Variants in CTNNBL1 observed in about 807,000 individuals in gnomAD.
CTNNBL1 encodes the protein catenin beta like 1.
A neutral mutation model predicts 72.7 loss-of-function variants in CTNNBL1; 31 were observed. That is an observed-to-expected ratio of 0.43 (90% CI 0.32 to 0.58). The LOEUF is 0.58. Among genes scored for constraint, CTNNBL1 ranks in the 20% least tolerant of loss-of-function variants. CTNNBL1 has a pLI of 0.08. For missense variants in CTNNBL1, 534 were observed against 725.1 expected, an observed-to-expected ratio of 0.74 and a Z score of 3.03; for synonymous variants, 240 against 267.3, an observed-to-expected ratio of 0.90 and a Z score of 1.00.
intron 3 of CTNNBL1, among the ~76,000 whole-genome samples, chr20:37,738,414 A>G (rs1163814004): frequency 6.6e-6 from 1 of 152,264 alleles, no homozygotes; most frequent in Non-Finnish European, 1.5e-5. Flanking sequence ...ACCTTGGTGC[A>G]CTATGAAGTG....
intron 11 of CTNNBL1, among the ~76,000 whole-genome samples, chr20:37,804,023 T>G (rs1026238831): frequency 2.0e-5 from 3 of 152,160 alleles, no homozygotes; most frequent in Non-Finnish European, 4.4e-5. Flanking sequence ...GAAGGTGGTG[T>G]GACCTACCTT....
intron 11 of CTNNBL1, among the ~76,000 whole-genome samples, chr20:37,819,804 C>G (rs1420467516): frequency 1.3e-5 from 2 of 151,930 alleles, no homozygotes; most frequent in East Asian, 3.9e-4. Flanking sequence ...GGAGCCATAG[C>G]CCACATATTA....
intron 3 of CTNNBL1, among the ~76,000 whole-genome samples, chr20:37,739,431 T>C (rs1316877767): frequency 6.6e-6 from 1 of 152,208 alleles, no homozygotes; most frequent in African/African-American, 2.4e-5. Flanking sequence ...AATTATTTTC[T>C]ATTAATGGAC....
chr20:37,757,540 T>C lies in CTNNBL1; in HGVS notation c.467-19T>C, dbSNP rs758210857. 5.1e-6 allele frequency: 8 copies of C among 1,575,436 alleles called. No homozygotes were observed. The South Asian group carries it at 8.9e-5, about 17-fold the overall frequency. ...TGGTACCGTTTCAGTATGTGTGTTA[T>C]ACCCTTAACATTTTTCACATGTGTC... is the stretch of plus-strand genomic sequence containing the variant. On this transcript the variant is annotated intron_variant, in intron 4 of 15. Coordinates refer to ENST00000361383, the MANE Select transcript of CTNNBL1 (RefSeq NM_030877.5).
chr20:37,709,227 G>A (rs1600435358), intron 1 of CTNNBL1, among the ~76,000 whole-genome samples: 1 of 152,178 alleles, frequency 6.6e-6, no homozygotes, highest in Non-Finnish European at 1.5e-5. Context: ...CCAAAAGCAG[G>A]CATGATTGAT....
At chr20:37,704,265 A>C (rs1288046251) in intron 1 of CTNNBL1, among the ~76,000 whole-genome samples, 1 of 152,206 alleles carries the variant, frequency 6.6e-6, no homozygotes, top group South Asian at 2.1e-4. Context: ...CAGGGCTGTT[A>C]TGGTGCCATG....
intron 11 of CTNNBL1, among the ~76,000 whole-genome samples, chr20:37,814,738 GA>G (rs200609592): frequency 2.6e-5 from 4 of 151,574 alleles, no homozygotes; most frequent in African/African-American, 4.8e-5. Flanking sequence ...AATAATGAAA[GA>G]AAAAAAACGG....
chr20:37,794,475 C>G (rs2073753295), intron 10 of CTNNBL1, among the ~76,000 whole-genome samples: 1 of 152,032 alleles, frequency 6.6e-6, no homozygotes, highest in South Asian at 2.1e-4. Context: ...CACCACCACC[C>G]CTGGCTATTT....
At chr20:37,853,283 T>G (rs1029063835) in intron 13 of CTNNBL1, among the ~76,000 whole-genome samples, 1 of 152,246 alleles carries the variant, frequency 6.6e-6, no homozygotes, top group Non-Finnish European at 1.5e-5. Flanking sequence ...ACAAGTCCAC[T>G]TATATATCTT....
intron 13 of CTNNBL1, among the ~76,000 whole-genome samples, chr20:37,851,205 C>T (rs543332952): frequency 2.0e-5 from 3 of 152,270 alleles, no homozygotes; most frequent in South Asian, 4.1e-4. Flanking sequence ...TATGCTGCTG[C>T]GAATTGCAGT....
chr20:37,806,686 A>G (rs2071963541), intron 11 of CTNNBL1, among the ~76,000 whole-genome samples: 1 of 152,202 alleles, frequency 6.6e-6, no homozygotes, highest in Admixed American at 6.5e-5. Context: ...TCTTTATATC[A>G]AAAGGTGAAC....
chr20:37,767,160 G>A (rs1203298257), intron 6 of CTNNBL1, among the ~76,000 whole-genome samples: 2 of 152,082 alleles, frequency 1.3e-5, no homozygotes, highest in Admixed American at 1.3e-4. Context: ...GAACACAGAA[G>A]TGTATCTGTT....
chr20:37,715,748 C>T (rs563912476), intron 1 of CTNNBL1, among the ~76,000 whole-genome samples: 1 of 152,314 alleles, frequency 6.6e-6, no homozygotes, highest in East Asian at 1.9e-4. Context: ...GCTGCTTTAA[C>T]ACAGGTGTTA....
chr20:37,808,803 G>A (rs1490243349), intron 11 of CTNNBL1, among the ~76,000 whole-genome samples: 3 of 152,018 alleles, frequency 2.0e-5, no homozygotes, highest in African/African-American at 7.3e-5. Context: ...TCAGCAGACA[G>A]CACCAGATAT....
intron 1 of CTNNBL1, among the ~76,000 whole-genome samples, chr20:37,700,127 G>A (rs1031615319): frequency 2.0e-5 from 3 of 152,112 alleles, no homozygotes; most frequent in African/African-American, 7.2e-5. Context: ...GGAGATTTGG[G>A]TTTTAATCCC....
intron 11 of CTNNBL1, among the ~76,000 whole-genome samples, chr20:37,810,498 A>G (rs2072001640): frequency 6.6e-6 from 1 of 152,146 alleles, no homozygotes; most frequent in Admixed American, 6.5e-5. Flanking sequence ...TTAAATTTCA[A>G]CATGAGTTTT....
At chr20:37,780,472 T>C (rs1272184729) in intron 10 of CTNNBL1, among the ~76,000 whole-genome samples, 2 of 152,162 alleles carry the variant, frequency 1.3e-5, no homozygotes, top group Admixed American at 6.5e-5. Flanking sequence ...TTTTTTTCTA[T>C]AATTTTTAAC....
At chr20:37,807,709 C>G (rs1035141914) in intron 11 of CTNNBL1, among the ~76,000 whole-genome samples, 1 of 152,138 alleles carries the variant, frequency 6.6e-6, no homozygotes, top group Non-Finnish European at 1.5e-5. Context: ...TAATTGAAAT[C>G]CATTTAGGTT....
At chr20:37,705,720 C>T (rs749652710) in intron 1 of CTNNBL1, among the ~76,000 whole-genome samples, 2 of 152,168 alleles carry the variant, frequency 1.3e-5, no homozygotes, top group African/African-American at 2.4e-5. Flanking sequence ...TTTCTAGCGC[C>T]AAGAATCTCG....
Sources: gnomAD v4.1 joint callset for allele counts (sites outside exome capture counted in the v4.1 genomes callset) on GRCh38, gnomAD v4.1.1 for gene constraint, MANE v1.5 for transcripts, NCBI Gene and HGNC (gene_info 2026-07-23, HGNC 2026-07-21) for gene names.